TBCE: variants seen among roughly 807,000 people sequenced by gnomAD.
TBCE encodes the protein tubulin folding cofactor E.
A neutral mutation model predicts 77.0 loss-of-function variants in TBCE; 53 were observed. That is an observed-to-expected ratio of 0.69 (90% CI 0.55 to 0.87). TBCE has a LOEUF of 0.87. TBCE is among the 40% of genes least tolerant of loss of function. The pLI is 0.00. For synonymous variants in TBCE, 235 were observed against 241.3 expected, an observed-to-expected ratio of 0.97 and a Z score of 0.24; for missense variants, 624 against 622.4, an observed-to-expected ratio of 1.00 and a Z score of -0.03.
At chr1:235,382,425 C>G (rs1393922400) in intron 2 of TBCE, among the ~76,000 whole-genome samples, 1 of 152,130 alleles carries the variant, frequency 6.6e-6, no homozygotes, top group Admixed American at 6.6e-5. Flanking sequence ...GTTGACAGTC[C>G]CACCAACAGT....
chr1:235,403,014 A>G (rs1285596912), intron 3 of TBCE, among the ~76,000 whole-genome samples: 1 of 152,148 alleles, frequency 6.6e-6, no homozygotes, highest in Non-Finnish European at 1.5e-5. Flanking sequence ...ACCACACAGC[A>G]TATCTCCTGG....
intron 2 of TBCE, among the ~76,000 whole-genome samples, chr1:235,389,545 C>G (rs1342044393): frequency 1.3e-5 from 2 of 152,070 alleles, no homozygotes; most frequent in African/African-American, 4.8e-5. Flanking sequence ...GTTGGCCAGG[C>G]TGGTCTCAAA....
chr1:235,401,679 T>TTGGCCGGGCGCGGTGGCTCACG, intron 3 of TBCE, 92 bp downstream of exon 3: 1 of 1,103,712 alleles, frequency 9.1e-7, no homozygotes, highest in African/African-American at 1.6e-5. Context: ...AATGTTTGGC[T>TTGGCCGGGCGCGGTGGCTCACG]CATGGAGTAG....
At position 235,414,430 on chromosome 1, in the gene TBCE, C is replaced by A; in HGVS notation, c.186-3C>A. 1 of 1,613,236 alleles carries A rather than the reference C, an allele frequency of 6.2e-7. No individual in the cohort carries two copies. The highest frequency in any genetic ancestry group is 8.5e-7 in the Non-Finnish European group (1 of 1,179,906). On this transcript the variant is annotated splice_polypyrimidine_tract_variant and splice_region_variant and intron_variant, in intron 3 of 16. Transcript: ENST00000642610. Reference sequence around the variant, plus strand: ...CTGTGTTTCATTTGCTCTTCTTTACCAGGCACCCGACAGGAGGATCCTTTA... The same window carrying A: ...CTGTGTTTCATTTGCTCTTCTTTACAAGGCACCCGACAGGAGGATCCTTTA...
At chr1:235,428,745 G>T (rs1187136399) in intron 6 of TBCE, among the ~76,000 whole-genome samples, 1 of 151,118 alleles carries the variant, frequency 6.6e-6, no homozygotes, top group Admixed American at 6.6e-5. Flanking sequence ...CCGGGTTTGA[G>T]CGATTCTGCT....
chr1:235,444,453 G>A (rs1025036130), intron 15 of TBCE, among the ~76,000 whole-genome samples: 13 of 152,268 alleles, frequency 8.5e-5, no homozygotes, highest in African/African-American at 3.1e-4. Context: ...CTGGAGTGCA[G>A]TGGTGCCATC....
At chr1:235,371,029 C>T (rs953552064) in intron 1 of TBCE, among the ~76,000 whole-genome samples, 5 of 127,680 alleles carry the variant, frequency 3.9e-5, no homozygotes, top group African/African-American at 1.5e-4. Flanking sequence ...TGTGAGCTAT[C>T]ACGCCTGGCT....
At chr1:235,433,661 G>T (rs1558386686) in intron 7 of TBCE, 1 of 156,012 alleles carries the variant, frequency 6.4e-6, no homozygotes, top group African/African-American at 2.4e-5. Context: ...CGATCTCAAA[G>T]AACTTTTGAT....
intron 3 of TBCE, among the ~76,000 whole-genome samples, chr1:235,410,079 G>T (rs1215441396): frequency 6.7e-6 from 1 of 149,068 alleles, no homozygotes; most frequent in Admixed American, 6.7e-5. Context: ...GCCGGGCGTG[G>T]TGTTGCACGC....
rs571821144 is a variant in TBCE at position 235,440,115 on chromosome 1, C to T, written c.1270+1193C>T. 1.2e-4 allele frequency among the ~76,000 whole-genome samples: 19 copies of T among 152,254 alleles called. 1 individual carries two copies. In the South Asian group the frequency reaches 2.5e-3, roughly 20 times the overall value. Reference sequence around the variant, plus strand: ...CCTCCCGAGTGGCTGGGACTACAGGCGCCCACCACCACACCCGGCTAATTT... The same window carrying T: ...CCTCCCGAGTGGCTGGGACTACAGGTGCCCACCACCACACCCGGCTAATTT... On this transcript the variant is annotated intron_variant, in intron 13 of 16. Coordinates refer to ENST00000642610, the MANE Select transcript of TBCE (RefSeq NM_003193.5).
At chr1:235,371,080 A>C (rs1198718868) in intron 1 of TBCE, among the ~76,000 whole-genome samples, 2 of 79,236 alleles carry the variant, frequency 2.5e-5, no homozygotes, top group African/African-American at 1.0e-4. Flanking sequence ...TTTGAGACAG[A>C]GTGGTTGCTC....
intron 16 of TBCE, 60 bp from the exon 17 acceptor site, chr1:235,448,610 T>A (rs79203362): frequency 6.8e-7 from 1 of 1,464,346 alleles, no homozygotes; most frequent in Non-Finnish European, 9.6e-7. Flanking sequence ...AGAGTATGTG[T>A]AGCATGCTTT....
At chr1:235,389,061 A>G (rs1678208543) in intron 2 of TBCE, among the ~76,000 whole-genome samples, 2 of 152,202 alleles carry the variant, frequency 1.3e-5, no homozygotes, top group African/African-American at 2.4e-5. Flanking sequence ...GTTGAGGGCT[A>G]TTTACCAAAA....
intron 16 of TBCE, 59 bp from the exon 17 acceptor site, chr1:235,448,611 A>G: frequency 1.4e-6 from 2 of 1,442,364 alleles, no homozygotes; most frequent in Non-Finnish European, 9.8e-7. Flanking sequence ...GAGTATGTGT[A>G]GCATGCTTTA....
chr1:235,437,077 C>T (rs192930673), intron 11 of TBCE, among the ~76,000 whole-genome samples: 26 of 152,182 alleles, frequency 1.7e-4, no homozygotes, highest in Admixed American at 1.6e-3. Flanking sequence ...TGTGATGAGC[C>T]GAGATCGCGC....
At chr1:235,423,403 C>G (rs1680516699) in intron 5 of TBCE, among the ~76,000 whole-genome samples, 1 of 152,064 alleles carries the variant, frequency 6.6e-6, no homozygotes, top group Non-Finnish European at 1.5e-5. Context: ...AACAATAACT[C>G]TAGGCTACAT....
At chr1:235,443,879 TAACTTACCTTA>T (rs1682066765) in intron 15 of TBCE, among the ~76,000 whole-genome samples, 1 of 152,230 alleles carries the variant, frequency 6.6e-6, no homozygotes, top group Non-Finnish European at 1.5e-5. Flanking sequence ...TAGATCAACA[TAACTTACCTTA>T]AACTTTCACT....
intron 1 of TBCE, among the ~76,000 whole-genome samples, chr1:235,376,078 A>G (rs1677277729): frequency 6.6e-6 from 1 of 152,080 alleles, no homozygotes; most frequent in South Asian, 2.1e-4. Flanking sequence ...GACTTGACAC[A>G]GAGACTGTTA....
chr1:235,417,627 C>T, intron 4 of TBCE, among the ~76,000 whole-genome samples: 1 of 152,170 alleles, frequency 6.6e-6, no homozygotes, highest in East Asian at 1.9e-4. Flanking sequence ...TTAATTGGAA[C>T]TGTGAGGTAT....
Sources: allele counts gnomAD v4.1 joint callset (sites outside exome capture counted in the v4.1 genomes callset), GRCh38; gene constraint gnomAD v4.1.1; transcripts MANE v1.5; gene names NCBI Gene and HGNC (gene_info 2026-07-23, HGNC 2026-07-21).